NUMA1: variants seen among roughly 807,000 people sequenced by gnomAD.
The protein encoded by NUMA1 is SP-H antigen.
A neutral mutation model predicts 237.1 loss-of-function variants in NUMA1; 62 were observed. The observed-to-expected ratio is 0.26, with a 90% confidence interval of 0.21 to 0.32. The LOEUF (loss-of-function observed/expected upper bound fraction) is 0.32. Among genes scored for constraint, NUMA1 ranks in the 10% least tolerant of loss-of-function variants. The probability of loss-of-function intolerance (pLI) is 1.00; values close to 1 mark genes in which losing one functional copy is unlikely to be tolerated. For missense variants in NUMA1, 2,533 were observed against 2,666.5 expected, an observed-to-expected ratio of 0.95 and a Z score of 1.10; for synonymous variants, 1,028 against 1,066.1, an observed-to-expected ratio of 0.96 and a Z score of 0.70.
intron 20 of NUMA1, chr11:72,008,252 A>G: frequency 2.6e-6 from 1 of 383,152 alleles, no homozygotes; most frequent in South Asian, 2.1e-5. Context: ...TTAACCATGT[A>G]CTCTTCAGTT....
chr11:72,043,670 GT>G (rs2135914019), intron 2 of NUMA1, among the ~76,000 whole-genome samples: 1 of 152,022 alleles, frequency 6.6e-6, no homozygotes. Flanking sequence ...CTGGCCCACA[GT>G]TGTCTTTGTC....
rs748328523 is a variant in NUMA1 at position 72,009,004 on chromosome 11, C to T, written c.5021G>A (p.Arg1674His). The change falls in exon 19 of 27, where the codon CGC (arginine) becomes CAC (histidine). Residue 1674 changes from arginine (R) to histidine (H), a missense_variant. By Grantham distance (29) the Arg-to-His change is conservative. Coordinates refer to ENST00000393695, the MANE Select transcript of NUMA1 (RefSeq NM_006185.4). ...GCTGCGCACCTGGGCAGTAAGGTGG[C>T]GGCAGGTCTGTTCAGCCTCCTTGGT... is the stretch of plus-strand genomic sequence containing the variant. ...LKTKEAEQTC[R>H]HLTAQVRSLE... 16 of 1,613,764 alleles carry T rather than the reference C, an allele frequency of 9.9e-6. No individual in the cohort carries two copies. Among genetic ancestry groups the T allele is most frequent in the African/African-American group, 5.3e-5 (4 of 74,916 alleles).
At chr11:72,004,431 T>G in intron 24 of NUMA1, 90 bp from the exon 25 acceptor site, 3 of 1,306,672 alleles carry the variant, frequency 2.3e-6, no homozygotes, top group Non-Finnish European at 3.3e-6. Flanking sequence ...GAGTGGACCT[T>G]GTAAGTCAAC....
Position 72,003,295 on chromosome 11 carries a change from G to T in NUMA1, c.*232C>A, listed in dbSNP as rs1379615550. 1.8e-6 allele frequency: 1 copy of T among 561,982 alleles called. No individual in the cohort carries two copies. Among genetic ancestry groups the T allele is most frequent in the East Asian group, 2.9e-5 (1 of 34,224 alleles). 34.8% of individuals were successfully genotyped at this position (561,982 alleles called of 1,614,324 possible). On this transcript the variant is annotated 3_prime_UTR_variant, in exon 27 of 27. Transcript: ENST00000393695. The stretch of plus-strand genomic sequence containing the variant: ...TTGCTTTAAGAAAAAAGGAGGCAAG[G>T]TAGGGAGAGCGCCCACACTGTCCAT...
At chr11:72,042,966 T>C (rs1463186996) in intron 2 of NUMA1, among the ~76,000 whole-genome samples, 2 of 151,180 alleles carry the variant, frequency 1.3e-5, no homozygotes, top group Non-Finnish European at 2.9e-5. Flanking sequence ...ATTTCATGAA[T>C]AAAAAATTAG....
At position 72,013,021 on chromosome 11, in the gene NUMA1, C is replaced by T. The variant is rs749536031; in HGVS notation, c.4482G>A (p.Val1494=). 18 of 1,614,078 alleles carry T rather than the reference C, an allele frequency of 1.1e-5. No individual in the cohort carries two copies. Among genetic ancestry groups the T allele is most frequent in the Non-Finnish European group, 1.4e-5 (17 of 1,180,040 alleles). ...RADAETRLAE[V]QREAQSTARE... ...GGGCAGTGCTCTGTGCTTCTCGCTG[C>T]ACCTCAGCCAGACGGGTCTCAGCAT... The change falls in exon 15 of 27, where the codon GTG becomes GTA. Residue 1494 remains valine, a synonymous_variant. Transcript: ENST00000393695. This position sits in a 1 kb window ranked among gnomAD's most constrained non-coding sequence, Gnocchi z 6.8.
In NUMA1 at chr11:72,003,240, C is replaced by G; in HGVS notation, c.*287G>C. 1 of 485,932 alleles carries G rather than the reference C, an allele frequency of 2.1e-6. No homozygotes were observed. Among genetic ancestry groups the G allele is most frequent in the Non-Finnish European group, 3.7e-6 (1 of 268,218 alleles). The allele number at this position is 485,932 out of a possible 1,614,324, so 30.1% of individuals were successfully genotyped here. On this transcript the variant is annotated 3_prime_UTR_variant, in exon 27 of 27. Transcript: ENST00000393695. ...CAAGGACCCAGCCATCAAAACCAGCCTCAAATCTGGTTGTGATGGAGAAGT... is the reference window on the plus strand; with the variant it reads ...CAAGGACCCAGCCATCAAAACCAGCGTCAAATCTGGTTGTGATGGAGAAGT...
At chr11:72,074,275 C>A (rs1415161594) in intron 1 of NUMA1, among the ~76,000 whole-genome samples, 1 of 151,708 alleles carries the variant, frequency 6.6e-6, no homozygotes. Context: ...ATCATTTGAA[C>A]CTGGGAGGTG....
At chr11:72,012,556 T>C (rs746021838) in intron 15 of NUMA1, 114 bp from the exon 16 acceptor site, 128 of 1,042,922 alleles carry the variant, frequency 1.2e-4, no homozygotes, top group Non-Finnish European at 1.6e-4. Context: ...AGGAGCTAGA[T>C]TGACAGTAAG....
At chr11:72,046,096 T>G (rs1392026568) in intron 2 of NUMA1, among the ~76,000 whole-genome samples, 1 of 152,186 alleles carries the variant, frequency 6.6e-6, no homozygotes, top group East Asian at 1.9e-4. Context: ...CTGGCCAGTT[T>G]CGCCAGGCTT....
intron 3 of NUMA1, among the ~76,000 whole-genome samples, chr11:72,033,356 T>A (rs1940578616): frequency 1.6e-5 from 1 of 62,318 alleles, no homozygotes; most frequent in Non-Finnish European, 3.8e-5. Flanking sequence ...TTTTCATGCA[T>A]GTTCTTTGTT....
chr11:72,026,043 A>G (rs1385210311), intron 4 of NUMA1, among the ~76,000 whole-genome samples: 1 of 152,230 alleles, frequency 6.6e-6, no homozygotes, highest in African/African-American at 2.4e-5. Context: ...TTATAGAAGA[A>G]GATACAACAT....
chr11:72,035,924 C>T lies in NUMA1; in HGVS notation c.20G>A (p.Arg7Gln), dbSNP rs201524124. MTLHAT[R>Q]GAALLSWVNS... ...TACCCAAGAGAGGAGTGCAGCCCCC[C>T]GGGTGGCGTGGAGTGTCATCTTGGT... Residue 7 changes from arginine (R) to glutamine (Q), a missense_variant, in exon 3 of 27, where the codon CGG (arginine) becomes CAG (glutamine). Arg to Gln is a conservative substitution (Grantham distance 43). Coordinates refer to ENST00000393695, the MANE Select transcript of NUMA1 (RefSeq NM_006185.4). 1.8e-5 allele frequency: 29 copies of T among 1,613,928 alleles called. No homozygotes were observed. In the Middle Eastern group the frequency reaches 6.6e-4, roughly 37 times the overall value.
At chr11:72,021,106 G>T in intron 8 of NUMA1, 98 bp downstream of exon 8, 1 of 951,094 alleles carries the variant, frequency 1.1e-6, no homozygotes, top group Non-Finnish European at 1.7e-6. Context: ...GCCTTGTGTT[G>T]GGGACAGAAA....
Position 72,013,072 on chromosome 11 carries a change from G to A in NUMA1, c.4431C>T (p.Val1477=), listed in dbSNP as rs377634573. 9 of 1,614,048 alleles carry A rather than the reference G, an allele frequency of 5.6e-6. No homozygotes were observed. Among genetic ancestry groups the A allele is most frequent in the Non-Finnish European group, 6.8e-6 (8 of 1,180,046 alleles). The part of the protein sequence containing the change: ...VELDQAREKY[V]QELAAVRADA... ...CAGCACGTACGGCTGCCAACTCTTG[G>A]ACATACTTCTCCCGGGCCTGGTCCA... Residue 1477 remains valine (V), a synonymous_variant, in exon 15 of 27, where the codon GTC becomes GTT. Transcript: ENST00000393695. The surrounding 1 kb of genome is among the most constrained non-coding windows in gnomAD (Gnocchi z 6.8).
At chr11:72,007,649 G>C in intron 20 of NUMA1, 1 of 616,804 alleles carries the variant, frequency 1.6e-6, no homozygotes, top group Non-Finnish European at 2.8e-6. Context: ...CCTCATAGTG[G>C]CAATGCCCAG....
At chr11:72,021,818 T>TCA (rs1481107683) in intron 7 of NUMA1, among the ~76,000 whole-genome samples, 1 of 152,182 alleles carries the variant, frequency 6.6e-6, no homozygotes, top group African/African-American at 2.4e-5. Context: ...CTCGCTATGT[T>TCA]ACCCAGGCTG....
Position 72,015,178 on chromosome 11 carries a change from C to T in NUMA1, c.2325G>A (p.Gly775=), listed in dbSNP as rs1956438374. 6.2e-7 allele frequency: 1 copy of T among 1,613,418 alleles called. No individual in the cohort carries two copies. The highest frequency in any genetic ancestry group is 1.1e-5 in the South Asian group (1 of 91,094). ...CTTCAGTCTCAGCCTGATGGGCCTC[C>T]CCAAGCTGCTGTAATCGAGCCTCCA... ...KGLEARLQQL[G]EAHQAETEVL... Residue 775 remains glycine, a synonymous_variant, in exon 15 of 27, where the codon GGG becomes GGA. Transcript: ENST00000393695. The surrounding 1 kb of genome is among the most constrained non-coding windows in gnomAD (Gnocchi z 4.0).
At chr11:72,026,400 G>C (rs1022108131) in intron 4 of NUMA1, among the ~76,000 whole-genome samples, 1 of 152,262 alleles carries the variant, frequency 6.6e-6, no homozygotes, top group Non-Finnish European at 1.5e-5. Context: ...ACTGAGAAGA[G>C]CAGAAATAAA....
Sources: gnomAD v4.1 joint callset for allele counts (sites outside exome capture counted in the v4.1 genomes callset) on GRCh38, gnomAD v4.1.1 for gene constraint, Gnocchi (gnomAD v3.1) non-coding constraint, MANE v1.5 for transcripts, NCBI Gene and HGNC (gene_info 2026-07-23, HGNC 2026-07-21) for gene names.